The following DNAH3 variants were observed in gnomAD, a reference collection of about 807,000 sequenced individuals.
DNAH3 encodes axonemal beta dynein heavy chain 3.
A neutral mutation model predicts 432.5 loss-of-function variants in DNAH3; 332 were observed. That is an observed-to-expected ratio of 0.77 (90% CI 0.70 to 0.84). DNAH3 has a LOEUF of 0.84. Among genes scored for constraint, DNAH3 ranks in the 40% least tolerant of loss-of-function variants. The pLI is 0.00. For missense variants in DNAH3, 4,861 were observed against 5,114.0 expected (o/e 0.95, Z 1.51); for synonymous variants, 1,956 against 1,900.2 (o/e 1.03, Z -0.76).
rs772634692 is a variant in DNAH3, at chr16:21,159,337, CCCTT to C, written c.101_104del (p.Glu34GlyfsTer15). The C allele has an allele frequency of 4.6e-5, 74 of 1,614,018 alleles. No homozygotes were observed. The highest frequency in any genetic ancestry group is 4.0e-4 in the Admixed American group (24 of 59,998). On this transcript the variant is annotated frameshift_variant, in exon 1 of 62. Coordinates refer to ENST00000261383, the Ensembl canonical transcript of DNAH3. LOFTEE classifies it high-confidence loss of function. Reference sequence around the variant, plus strand: ...ACCCCCTCTCCACCTGCATTTCACTCCCTTCCTCCTCTCCTTGGGTCTCCCTGGC... The same window carrying C: ...ACCCCCTCTCCACCTGCATTTCACTCCCTCCTCTCCTTGGGTCTCCCTGGC...
intron 56 of DNAH3, among the ~76,000 whole-genome samples, chr16:20,951,738 A>ATTTTTTT (rs869256566): frequency 1.4e-5 from 1 of 73,458 alleles, no homozygotes; most frequent in African/African-American, 5.5e-5. Flanking sequence ...CCTGGCCCGT[A>ATTTTTTT]TTTTTTTTTT....
intron 36 of DNAH3, among the ~76,000 whole-genome samples, chr16:21,032,624 G>A (rs970508549): frequency 2.6e-5 from 4 of 151,870 alleles, no homozygotes; most frequent in African/African-American, 9.7e-5. Context: ...ACCAGCCTGC[G>A]CAATATGGCA....
At chr16:21,146,636 G>A (rs1241954775) in intron 1 of DNAH3, among the ~76,000 whole-genome samples, 1 of 152,134 alleles carries the variant, frequency 6.6e-6, no homozygotes, top group Non-Finnish European at 1.5e-5. Flanking sequence ...CGTTGTTCAA[G>A]AATACAATAT....
Position 20,979,325 on chromosome 16 carries a change from C to T in DNAH3, c.8076+5G>A, listed in dbSNP as rs1435948093. The T allele has an allele frequency of 6.2e-7, 1 of 1,613,638 alleles. No homozygotes were observed. Among genetic ancestry groups the T allele is most frequent in the East Asian group, 2.2e-5 (1 of 44,872 alleles). ...TTGTCTCTGTTCTGTTTTGGCAGTGCTCACCTGAGAAGCTGCAAAGTCGAG... is the reference window on the plus strand; with the variant it reads ...TTGTCTCTGTTCTGTTTTGGCAGTGTTCACCTGAGAAGCTGCAAAGTCGAG... On this transcript the variant is annotated splice_donor_5th_base_variant and intron_variant, in intron 50 of 61. Coordinates refer to ENST00000261383, the Ensembl canonical transcript of DNAH3.
intron 1 of DNAH3, among the ~76,000 whole-genome samples, chr16:21,148,730 C>T (rs944748351): frequency 3.3e-5 from 5 of 152,102 alleles, no homozygotes; most frequent in African/African-American, 1.2e-4. Context: ...CACAAACAGT[C>T]ATAAGTACGC....
At chr16:21,156,187 TTTA>T (rs2092896161) in intron 1 of DNAH3, among the ~76,000 whole-genome samples, 1 of 147,746 alleles carries the variant, frequency 6.8e-6, no homozygotes, top group South Asian at 2.1e-4. Flanking sequence ...TTTATTTTAT[TTTA>T]TTTTATTTTA....
At chr16:21,151,946 A>T (rs2092857189) in intron 1 of DNAH3, among the ~76,000 whole-genome samples, 1 of 152,044 alleles carries the variant, frequency 6.6e-6, no homozygotes, top group African/African-American at 2.4e-5. Context: ...CAAAACTGAG[A>T]GATATGGGCC....
chr16:21,058,656 C>T (rs2090223737), intron 26 of DNAH3, among the ~76,000 whole-genome samples: 1 of 152,136 alleles, frequency 6.6e-6, no homozygotes, highest in African/African-American at 2.4e-5. Flanking sequence ...ACAGCCGCAG[C>T]ATACAAAAGA....
exon 55 of DNAH3, chr16:20,954,839 T>G (rs1322962082): frequency 6.2e-7 from 1 of 1,614,160 alleles, no homozygotes; most frequent in African/African-American, 1.3e-5. Flanking sequence ...TCTTCTCTCT[T>G]GAACAACGGC....
chr16:20,998,407 C>G (rs2086858410), intron 43 of DNAH3, among the ~76,000 whole-genome samples: 1 of 152,216 alleles, frequency 6.6e-6, no homozygotes, highest in African/African-American at 2.4e-5. Flanking sequence ...TGTGCACCAC[C>G]ACGCCCAGCT....
chr16:21,112,612 C>T (rs972743430), intron 12 of DNAH3, among the ~76,000 whole-genome samples: 4 of 152,174 alleles, frequency 2.6e-5, no homozygotes, highest in Non-Finnish European at 5.9e-5. Flanking sequence ...TGACCTCCCC[C>T]TGCGTCTTTC....
chr16:21,062,385 C>G (rs1836095408), intron 25 of DNAH3, 97 bp downstream of exon 25: 2 of 964,816 alleles, frequency 2.1e-6, no homozygotes, highest in African/African-American at 1.6e-5. Flanking sequence ...GTTCCATACC[C>G]CAGGCAGTCT....
intron 49 of DNAH3, among the ~76,000 whole-genome samples, chr16:20,982,045 T>C (rs1222735128): frequency 1.3e-5 from 2 of 148,708 alleles, no homozygotes; most frequent in East Asian, 3.9e-4. Flanking sequence ...AAAGCACATA[T>C]ATATATGTGC....
At chr16:20,957,808 C>CAAAAAAAAAAAAAAAAAAAAAAAAAAA (rs762197650) in intron 54 of DNAH3, among the ~76,000 whole-genome samples, 2 of 53,284 alleles carry the variant, frequency 3.8e-5, no homozygotes, top group Non-Finnish European at 7.5e-5. Context: ...ACTCCATCTC[C>CAAAAAAAAAAAAAAAAAAAAAAAAAAA]AAAAAAAAAA....
rs147185575 is a variant in DNAH3 at position 20,963,681 on chromosome 16, G to A, written c.10203C>T (p.Ile3401=). ...GATTGGGGTAGGGGTTATCCAGTGCGATGCCTCCAGTGAGAAGGAAGTACC... is the reference window on the plus strand; with the variant it reads ...GATTGGGGTAGGGGTTATCCAGTGCAATGCCTCCAGTGAGAAGGAAGTACC... Residue 3401 remains isoleucine (I), a synonymous_variant, in exon 53 of 62, where the codon ATC becomes ATT. Coordinates refer to ENST00000261383, the Ensembl canonical transcript of DNAH3. 2.1e-4 allele frequency: 336 copies of A among 1,613,960 alleles called. 2 individuals carry two copies. In the South Asian group the frequency reaches 3.2e-3, roughly 16 times the overall value.
rs377741351 is a variant in DNAH3, at chr16:21,041,391, A to C, written c.4638+636T>G. 1.1e-4 allele frequency among the ~76,000 whole-genome samples: 17 copies of C among 152,220 alleles called. No individual in the cohort carries two copies. In the South Asian group the frequency reaches 2.7e-3, roughly 24 times the overall value. On this transcript the variant is annotated intron_variant, in intron 32 of 61. Transcript: ENST00000261383. ...ATCTCAAAAAAAAAGAGAGAGAGAA[A>C]TGTGGATCCAAATTCTATCTTGGCC...
chr16:21,140,488 G>T, intron 5 of DNAH3, 48 bp downstream of exon 6: 2 of 1,572,660 alleles, frequency 1.3e-6, no homozygotes, highest in South Asian at 1.1e-5. Context: ...CTGAGATGCC[G>T]AGAGTAACCC....
At chr16:21,069,386 G>A in intron 23 of DNAH3, 29 bp downstream of exon 23, 1 of 1,587,962 alleles carries the variant, frequency 6.3e-7, no homozygotes, top group Non-Finnish European at 8.6e-7. Context: ...ATTTCTGCTG[G>A]TAAGAGTTAT....
intron 19 of DNAH3, among the ~76,000 whole-genome samples, chr16:21,085,527 C>CAAAAAAA (rs34136946): frequency 1.1e-4 from 9 of 81,318 alleles, no homozygotes; most frequent in Non-Finnish European, 1.7e-4. Flanking sequence ...GATTCCACCT[C>CAAAAAAA]AAAAAAAAAA....
Sources: gnomAD v4.1 joint callset for allele counts (sites outside exome capture counted in the v4.1 genomes callset) on GRCh38, gnomAD v4.1.1 for gene constraint, MANE v1.5 for transcripts, NCBI Gene and HGNC (gene_info 2026-07-23, HGNC 2026-07-21) for gene names.